Variants in HTR1F observed in about 807,000 individuals in gnomAD.
HTR1F encodes the protein 5-hydroxytryptamine (serotonin) receptor 1F, G protein-coupled.
In HTR1F, 17 loss-of-function variants were observed where a neutral mutation model predicts 24.0. The observed-to-expected ratio is 0.71, with a 90% CI of 0.48 to 1.06. The LOEUF (loss-of-function observed/expected upper bound fraction) is 1.06, where lower values mean the gene tolerates loss of function less well. Among genes scored for constraint, HTR1F ranks in the 50% least tolerant of loss-of-function variants. The probability of loss-of-function intolerance (pLI) is 0.00; values close to 1 mark genes in which losing one functional copy is unlikely to be tolerated. For missense variants in HTR1F, 391 were observed against 427.8 expected, an observed-to-expected ratio of 0.91 and a Z score of 0.76; for synonymous variants, 186 against 156.8, an observed-to-expected ratio of 1.19 and a Z score of -1.39.
intron 1 of HTR1F, among the ~76,000 whole-genome samples, chr3:87,795,666 A>T (rs561458671): frequency 8.9e-4 from 135 of 152,334 alleles, no homozygotes; most frequent in Non-Finnish European, 1.5e-3. Flanking sequence ...GTGCCCTGTA[A>T]GTGGAAACCT....
intron 2 of HTR1F, among the ~76,000 whole-genome samples, chr3:87,897,251 T>TAA (rs1023881666): frequency 2.7e-5 from 4 of 148,844 alleles, no homozygotes; most frequent in African/African-American, 9.8e-5. Flanking sequence ...TATATATATA[T>TAA]AATTCAGCCT....
At chr3:87,947,473 A>C (rs925717660) in intron 2 of HTR1F, among the ~76,000 whole-genome samples, 1 of 152,186 alleles carries the variant, frequency 6.6e-6, no homozygotes. Context: ...GAACTTTAAG[A>C]GGACTATTTT....
intron 2 of HTR1F, among the ~76,000 whole-genome samples, chr3:87,909,867 G>A (rs1184377654): frequency 6.6e-6 from 1 of 151,896 alleles, no homozygotes; most frequent in Non-Finnish European, 1.5e-5. Context: ...GGAGAAAGAG[G>A]AAAATGACAA....
intron 1 of HTR1F, among the ~76,000 whole-genome samples, chr3:87,806,060 T>C (rs1377401803): frequency 1.3e-5 from 2 of 152,088 alleles, no homozygotes; most frequent in African/African-American, 4.8e-5. Flanking sequence ...GACCGCCAGT[T>C]CCATGCACAT....
chr3:87,847,877 G>T (rs370206326), intron 2 of HTR1F, among the ~76,000 whole-genome samples: 1 of 151,736 alleles, frequency 6.6e-6, no homozygotes, highest in Admixed American at 6.6e-5. Context: ...ACATGACTGC[G>T]CTCTTTATGG....
At chr3:87,942,922 C>T (rs1044115944) in intron 2 of HTR1F, among the ~76,000 whole-genome samples, 8 of 152,104 alleles carry the variant, frequency 5.3e-5, no homozygotes, top group African/African-American at 1.9e-4. Context: ...ATTAGTTGGC[C>T]TTCAATAGAA....
intron 2 of HTR1F, among the ~76,000 whole-genome samples, chr3:87,930,335 T>C (rs1217536355): frequency 6.6e-6 from 1 of 152,206 alleles, no homozygotes; most frequent in Non-Finnish European, 1.5e-5. Context: ...ATATGAGTGG[T>C]GAGAGAGGGC....
At chr3:87,981,951 T>TA (rs2107514349) in intron 2 of HTR1F, among the ~76,000 whole-genome samples, 1 of 151,792 alleles carries the variant, frequency 6.6e-6, no homozygotes, top group South Asian at 2.1e-4. Context: ...CTTTTTTTTT[T>TA]ATGTCTCACT....
At chr3:87,858,974 T>C (rs1009035736) in intron 2 of HTR1F, among the ~76,000 whole-genome samples, 6 of 152,148 alleles carry the variant, frequency 3.9e-5, no homozygotes, top group African/African-American at 1.2e-4. Flanking sequence ...GGAGGGTGGA[T>C]CCTCTGAGGT....
chr3:87,879,751 AAC>A (rs1201045441), intron 2 of HTR1F, among the ~76,000 whole-genome samples: 1 of 152,084 alleles, frequency 6.6e-6, no homozygotes, highest in Non-Finnish European at 1.5e-5. Context: ...GGAGTTAACC[AAC>A]ACATTAATTT....
At chr3:87,794,103 G>T (rs1703863040) in intron 1 of HTR1F, among the ~76,000 whole-genome samples, 1 of 152,190 alleles carries the variant, frequency 6.6e-6, no homozygotes, top group Non-Finnish European at 1.5e-5. Context: ...CTTAAGTTTG[G>T]TGTGCCCCAT....
chr3:87,835,006 G>T (rs1458191966), intron 2 of HTR1F, among the ~76,000 whole-genome samples: 3 of 152,112 alleles, frequency 2.0e-5, no homozygotes, highest in Admixed American at 1.3e-4. Context: ...TAAGTGTCTT[G>T]CCCAGAGAGC....
intron 2 of HTR1F, among the ~76,000 whole-genome samples, chr3:87,916,326 A>AAAG (rs1703893873): frequency 7.2e-6 from 1 of 139,140 alleles, no homozygotes; most frequent in Admixed American, 7.1e-5. Context: ...AAAAAAAAAA[A>AAAG]AACAAGGTAC....
intron 2 of HTR1F, among the ~76,000 whole-genome samples, chr3:87,926,543 A>T (rs1704131079): frequency 6.6e-6 from 1 of 152,210 alleles, no homozygotes; most frequent in South Asian, 2.1e-4. Context: ...CAAAGCATCA[A>T]TGCCTAATAC....
chr3:87,847,337 C>T (rs1704967665), intron 2 of HTR1F, among the ~76,000 whole-genome samples: 1 of 151,734 alleles, frequency 6.6e-6, no homozygotes, highest in South Asian at 2.1e-4. Flanking sequence ...AATTCTACAG[C>T]TTGAACTGAA....
At chr3:87,924,904 T>A (rs1454099838) in intron 2 of HTR1F, among the ~76,000 whole-genome samples, 1 of 152,182 alleles carries the variant, frequency 6.6e-6, no homozygotes, top group East Asian at 1.9e-4. Flanking sequence ...TCTGGATGTT[T>A]TTAACTCTCT....
chr3:87,898,883 G>T (rs1706259519), intron 2 of HTR1F, among the ~76,000 whole-genome samples: 1 of 152,076 alleles, frequency 6.6e-6, no homozygotes, highest in Admixed American at 6.5e-5. Flanking sequence ...TGTTATACAA[G>T]TTATTTCTGA....
chr3:87,963,802 C>T (rs1310911629), intron 2 of HTR1F, among the ~76,000 whole-genome samples: 1 of 152,038 alleles, frequency 6.6e-6, no homozygotes, highest in Non-Finnish European at 1.5e-5. Flanking sequence ...TGGTTTATCC[C>T]AACCTATCTA....
rs538462317 is a variant in HTR1F at position 87,989,925 on chromosome 3, G to C, written c.-42-783G>C. Reference sequence around the variant, plus strand: ...TTCTAAGCTATATGTCTTCATGTAAGTGTGCATTCATCTAAAGACAAAGAA... The same window carrying C: ...TTCTAAGCTATATGTCTTCATGTAACTGTGCATTCATCTAAAGACAAAGAA... On this transcript the variant is annotated intron_variant, in intron 2 of 2. Coordinates refer to ENST00000319595, the MANE Select transcript of HTR1F (RefSeq NM_001322209.2). Among the ~76,000 whole-genome samples the C allele has an allele frequency of 2.3e-4, 35 of 152,278 alleles. 1 individual carries two copies. In the South Asian group the frequency reaches 7.0e-3, roughly 31 times the overall value.
Sources: gnomAD v4.1 joint callset for allele counts (sites outside exome capture counted in the v4.1 genomes callset) on GRCh38, gnomAD v4.1.1 for gene constraint, MANE v1.5 for transcripts, NCBI Gene and HGNC (gene_info 2026-07-23, HGNC 2026-07-21) for gene names.